Variants in MDGA2 observed in about 807,000 individuals in gnomAD.
The protein encoded by MDGA2 is MAM domain-containing glycosylphosphatidylinositol anchor protein 2.
MDGA2 carries 40 observed loss-of-function variants against 117.8 expected under a neutral mutation model. The ratio of observed to expected loss-of-function variants is 0.34; its 90% CI spans 0.26 to 0.44. The LOEUF (loss-of-function observed/expected upper bound fraction) is 0.44. Ranked by LOEUF, MDGA2 falls within the 20% of genes least tolerant of loss-of-function variation. The pLI is 1.00. For missense variants in MDGA2, 1,123 were observed against 1,250.6 expected (o/e 0.90, Z 1.54); for synonymous variants, 452 against 439.0 (o/e 1.03, Z -0.37).
In MDGA2 at chr14:47,218,216, A is replaced by G. The variant is rs770884440; in HGVS notation, c.421-21T>C. On this transcript the variant is annotated intron_variant, in intron 2 of 16. Transcript: ENST00000399232. ...CTGATCTGAGCAAGCATCAACAAAG[A>G]TTGTTACTTTAGGTTGGTTTTCCCA... 1.0e-5 allele frequency: 15 copies of G among 1,492,184 alleles called. No individual in the cohort carries two copies. In the South Asian group the frequency reaches 1.8e-4, roughly 18 times the overall value. The allele number at this position is 1,492,184 out of a possible 1,614,324, so 92.4% of individuals were successfully genotyped here.
chr14:47,373,483 T>C (rs1391024627), intron 1 of MDGA2, among the ~76,000 whole-genome samples: 2 of 152,076 alleles, frequency 1.3e-5, no homozygotes, highest in East Asian at 3.9e-4. Flanking sequence ...TAAAAAGGAA[T>C]GAACTACTAA....
intron 8 of MDGA2, among the ~76,000 whole-genome samples, chr14:46,982,572 G>A (rs575407287): frequency 1.3e-5 from 2 of 151,616 alleles, no homozygotes; most frequent in South Asian, 4.2e-4. Context: ...AGCTGGGTGT[G>A]GTGGCACATG....
intron 1 of MDGA2, among the ~76,000 whole-genome samples, chr14:47,653,382 A>T (rs1489913967): frequency 6.6e-6 from 1 of 152,136 alleles, no homozygotes. Flanking sequence ...ATAATATATC[A>T]GAGGAAGGTA....
chr14:46,989,889 C>G (rs1887017557), intron 8 of MDGA2, among the ~76,000 whole-genome samples: 1 of 152,040 alleles, frequency 6.6e-6, no homozygotes, highest in Non-Finnish European at 1.5e-5. Context: ...TTTAGTTGAA[C>G]TGAAATTTCT....
chr14:46,918,760 CTT>C (rs34958634), intron 10 of MDGA2, among the ~76,000 whole-genome samples: 44 of 124,678 alleles, frequency 3.5e-4, no homozygotes, highest in Admixed American at 3.3e-4. Flanking sequence ...TACAGTGTAT[CTT>C]TTTTTTTTTT....
chr14:46,937,767 G>C (rs1319668576), intron 9 of MDGA2, among the ~76,000 whole-genome samples: 7 of 152,088 alleles, frequency 4.6e-5, no homozygotes, highest in Non-Finnish European at 1.0e-4. Context: ...AATGAAACTA[G>C]ACATCTATCT....
intron 1 of MDGA2, among the ~76,000 whole-genome samples, chr14:47,518,986 C>A (rs1381790120): frequency 6.6e-6 from 1 of 152,068 alleles, no homozygotes; most frequent in Non-Finnish European, 1.5e-5. Context: ...GGCAGATCAA[C>A]TGAGGTCAGG....
chr14:47,417,044 T>G (rs748782667), intron 1 of MDGA2, among the ~76,000 whole-genome samples: 1 of 152,190 alleles, frequency 6.6e-6, no homozygotes, highest in Non-Finnish European at 1.5e-5. Flanking sequence ...AAAGCTATTG[T>G]GATGAGGTCT....
At chr14:46,889,763 T>G (rs530695178) in intron 10 of MDGA2, among the ~76,000 whole-genome samples, 18 of 152,112 alleles carry the variant, frequency 1.2e-4, no homozygotes, top group Admixed American at 1.1e-3. Flanking sequence ...CCCCATTCCT[T>G]GAAAATTTGA....
intron 1 of MDGA2, among the ~76,000 whole-genome samples, chr14:47,624,657 T>C (rs1897108988): frequency 6.6e-6 from 1 of 152,146 alleles, no homozygotes; most frequent in South Asian, 2.1e-4. Flanking sequence ...AGATGGCAAA[T>C]AATTTCCCTA....
chr14:47,038,334 C>A, intron 7 of MDGA2, among the ~76,000 whole-genome samples: 1 of 152,036 alleles, frequency 6.6e-6, no homozygotes, highest in East Asian at 1.9e-4. Flanking sequence ...GAAGTGGTGT[C>A]AAAAGATAGT....
chr14:46,904,941 A>G (rs761539742), intron 10 of MDGA2, among the ~76,000 whole-genome samples: 1 of 152,174 alleles, frequency 6.6e-6, no homozygotes, highest in Non-Finnish European at 1.5e-5. Context: ...AGGGTAGTCT[A>G]TGTGGAACCA....
chr14:47,114,344 C>T (rs1304291167), intron 5 of MDGA2, among the ~76,000 whole-genome samples: 1 of 152,112 alleles, frequency 6.6e-6, no homozygotes, highest in Non-Finnish European at 1.5e-5. Flanking sequence ...AATGGTCATC[C>T]TGCCCAATAT....
intron 1 of MDGA2, among the ~76,000 whole-genome samples, chr14:47,385,944 A>G (rs1288839179): frequency 6.6e-6 from 1 of 152,196 alleles, no homozygotes; most frequent in African/African-American, 2.4e-5. Flanking sequence ...TGAATTAAGG[A>G]AACCTATATC....
chr14:47,190,087 G>A (rs1055473853), intron 3 of MDGA2, among the ~76,000 whole-genome samples: 1 of 152,146 alleles, frequency 6.6e-6, no homozygotes, highest in Admixed American at 6.6e-5. Context: ...AACAGTCCAC[G>A]ATAAATTCAA....
chr14:47,502,464 A>G (rs1894418560), intron 1 of MDGA2, among the ~76,000 whole-genome samples: 1 of 152,170 alleles, frequency 6.6e-6, no homozygotes, highest in Non-Finnish European at 1.5e-5. Flanking sequence ...CAAAGAACCT[A>G]GCCAGAGAAA....
intron 1 of MDGA2, among the ~76,000 whole-genome samples, chr14:47,627,071 G>C (rs1897159015): frequency 1.3e-5 from 2 of 152,006 alleles, no homozygotes; most frequent in Non-Finnish European, 2.9e-5. Context: ...TGCACCAATC[G>C]GCACTCTGTA....
intron 1 of MDGA2, among the ~76,000 whole-genome samples, chr14:47,367,656 C>T (rs753049424): frequency 5.9e-5 from 9 of 152,008 alleles, no homozygotes; most frequent in Non-Finnish European, 1.0e-4. Flanking sequence ...TTTTCTTCCA[C>T]AATTTGCCAA....
chr14:47,185,034 A>C (rs2139384101), intron 3 of MDGA2, among the ~76,000 whole-genome samples: 1 of 151,476 alleles, frequency 6.6e-6, no homozygotes, highest in South Asian at 2.1e-4. Context: ...AACTATGTCA[A>C]ATATGTTTAA....
Sources: gnomAD v4.1 joint callset for allele counts (sites outside exome capture counted in the v4.1 genomes callset) on GRCh38, gnomAD v4.1.1 for gene constraint, MANE v1.5 for transcripts, NCBI Gene and HGNC (gene_info 2026-07-23, HGNC 2026-07-21) for gene names.